ZNF626: variants seen among roughly 807,000 people sequenced by gnomAD.
ZNF626 encodes zinc finger protein 626.
ZNF626 carries 4 observed loss-of-function variants against 11.7 expected under a neutral mutation model. The ratio of observed to expected loss-of-function variants is 0.34; its 90% CI spans 0.17 to 0.78. The LOEUF (loss-of-function observed/expected upper bound fraction) is 0.78, where lower values mean the gene tolerates loss of function less well. ZNF626 is among the 30% of genes least tolerant of loss of function. The pLI, the probability that ZNF626 is intolerant of heterozygous loss-of-function variation, is 0.57. For missense variants in ZNF626, 588 were observed against 587.1 expected (o/e 1.00, Z -0.01); for synonymous variants, 179 against 198.6 (o/e 0.90, Z 0.83).
intron 3 of ZNF626, among the ~76,000 whole-genome samples, chr19:20,626,809 G>A (rs568381160): frequency 6.6e-6 from 1 of 150,894 alleles, no homozygotes; most frequent in Non-Finnish European, 1.5e-5. Context: ...GAGGTCAGGA[G>A]TCCAAAATTA....
chr19:20,638,500 T>A (rs8111302), intron 3 of ZNF626, among the ~76,000 whole-genome samples: 21,830 of 151,252 alleles, frequency 0.14, 1,714 homozygotes, highest in Middle Eastern at 0.2. Context: ...GTGGTTTTTT[T>A]AAAAAGCAAT....
intron 1 of ZNF626, among the ~76,000 whole-genome samples, chr19:20,652,039 C>T (rs1970151417): frequency 1.3e-5 from 2 of 152,202 alleles, no homozygotes; most frequent in Admixed American, 6.5e-5. Context: ...CAGAACCACA[C>T]TCCCAAATGG....
intron 1 of ZNF626, among the ~76,000 whole-genome samples, chr19:20,647,542 A>T (rs1352126128): frequency 1.5e-5 from 2 of 135,610 alleles, no homozygotes; most frequent in Non-Finnish European, 3.0e-5. Flanking sequence ...GCTGGAGTGC[A>T]GTGGCGCAGT....
At chr19:20,643,581 A>G (rs1555771657) in intron 3 of ZNF626, among the ~76,000 whole-genome samples, 1 of 152,208 alleles carries the variant, frequency 6.6e-6, no homozygotes, top group Non-Finnish European at 1.5e-5. Context: ...TAGAATATAG[A>G]AAGAAAAAAG....
chr19:20,626,755 C>G (rs533016661), intron 3 of ZNF626, among the ~76,000 whole-genome samples: 1 of 152,224 alleles, frequency 6.6e-6, no homozygotes, highest in Admixed American at 6.5e-5. Flanking sequence ...TGGCTCATGC[C>G]TGTAATCGCA....
intron 1 of ZNF626, among the ~76,000 whole-genome samples, chr19:20,655,333 A>T (rs1373966679): frequency 6.6e-6 from 1 of 152,170 alleles, no homozygotes; most frequent in Non-Finnish European, 1.5e-5. Context: ...AAAGAAACTG[A>T]GTATCATTTA....
At chr19:20,632,210 C>A (rs1264455718) in intron 3 of ZNF626, among the ~76,000 whole-genome samples, 5 of 152,178 alleles carry the variant, frequency 3.3e-5, no homozygotes, top group Non-Finnish European at 1.5e-5. Flanking sequence ...TTCTCTCTGG[C>A]TGCTCTTAAC....
chr19:20,627,437 T>C lies in ZNF626; in HGVS notation c.227-1787A>G, dbSNP rs147337992. 5.3e-5 allele frequency among the ~76,000 whole-genome samples: 8 copies of C among 151,902 alleles called. No homozygotes were observed. The East Asian group carries it at 1.4e-3, about 26-fold the overall frequency. On this transcript the variant is annotated intron_variant, in intron 3 of 3. Coordinates refer to ENST00000601440, the MANE Select transcript of ZNF626 (RefSeq NM_001076675.3). The stretch of plus-strand genomic sequence containing the variant: ...CAAAGTACCACTAAGAAAATATTTG[T>C]ATGGATACACAAAAGAAAATTTAAA...
At chr19:20,640,100 T>C (rs1970006616) in intron 3 of ZNF626, among the ~76,000 whole-genome samples, 1 of 151,954 alleles carries the variant, frequency 6.6e-6, no homozygotes. Context: ...CAAAAAATGA[T>C]GTTGAAAAGT....
chr19:20,649,154 T>C (rs1970118716), intron 1 of ZNF626, among the ~76,000 whole-genome samples: 1 of 152,144 alleles, frequency 6.6e-6, no homozygotes, highest in Non-Finnish European at 1.5e-5. Context: ...CCTTCTCAGA[T>C]GAGATTCTCT....
intron 1 of ZNF626, among the ~76,000 whole-genome samples, chr19:20,655,630 G>A (rs978406168): frequency 1.3e-5 from 2 of 152,016 alleles, no homozygotes; most frequent in South Asian, 2.1e-4. Context: ...CTTAAGAAAA[G>A]AGGGAATAGC....
chr19:20,655,192 A>T lies in ZNF626; in HGVS notation c.3+6252T>A, dbSNP rs1236252720. The stretch of plus-strand genomic sequence containing the variant: ...GATAACTGCTAATTGCTCTGAAATA[A>T]TAAACAGAAAGCAAGGTACAACTAC... On this transcript the variant is annotated intron_variant, in intron 1 of 3. Coordinates refer to ENST00000601440, the MANE Select transcript of ZNF626 (RefSeq NM_001076675.3). 2.0e-5 allele frequency among the ~76,000 whole-genome samples: 3 copies of T among 152,260 alleles called. No individual in the cohort carries two copies. In the East Asian group the frequency reaches 5.8e-4, roughly 29 times the overall value.
intron 3 of ZNF626, among the ~76,000 whole-genome samples, chr19:20,637,039 G>C (rs10412797): frequency 0.43 from 51,611 of 120,826 alleles, 12,923 homozygotes; most frequent in African/African-American, 0.63. Flanking sequence ...AAAAAAAAAA[G>C]GCCCAGTGCA....
intron 1 of ZNF626, among the ~76,000 whole-genome samples, chr19:20,659,661 C>T (rs1970243025): frequency 6.6e-6 from 1 of 152,040 alleles, no homozygotes; most frequent in Non-Finnish European, 1.5e-5. Context: ...TTTTTGCAAC[C>T]CATGAAGATT....
chr19:20,647,713 C>T (rs1236809598), intron 1 of ZNF626, among the ~76,000 whole-genome samples: 1 of 151,898 alleles, frequency 6.6e-6, no homozygotes, highest in East Asian at 1.9e-4. Flanking sequence ...GTCTCGATCT[C>T]CTGACCTCGT....
At chr19:20,631,240 T>A (rs1209424083) in intron 3 of ZNF626, among the ~76,000 whole-genome samples, 36 of 151,946 alleles carry the variant, frequency 2.4e-4, no homozygotes, top group African/African-American at 8.7e-4. Flanking sequence ...CTGAAAATAA[T>A]GTATATTCTG....
At chr19:20,626,058 C>T (rs782219943) in intron 3 of ZNF626, among the ~76,000 whole-genome samples, 2 of 151,904 alleles carry the variant, frequency 1.3e-5, no homozygotes, top group Admixed American at 6.6e-5. Context: ...GTCAGGAGTT[C>T]AAGACCATCT....
chr19:20,651,705 G>C (rs1970147982), intron 1 of ZNF626, among the ~76,000 whole-genome samples: 1 of 152,162 alleles, frequency 6.6e-6, no homozygotes, highest in Admixed American at 6.5e-5. Context: ...CCTGGGGCTG[G>C]TGGCCCAATG....
rs1476995235 is a variant in ZNF626, at chr19:20,623,003, T to C, written c.*1287A>G. 2 of 152,160 alleles carry C rather than the reference T, an allele frequency of 1.3e-5. No homozygotes were observed. The highest frequency in any genetic ancestry group is 1.5e-5 in the Non-Finnish European group (1 of 68,026). The allele number at this position is 152,160 out of a possible 1,614,324, so 9.4% of individuals were successfully genotyped here. ...AAAGCTTGAGCAACTGCTTCAGGAT[T>C]TTCCTCTAGTACAAAATGTGTGTAA... On this transcript the variant is annotated 3_prime_UTR_variant, in exon 4 of 4. Transcript: ENST00000601440.
Sources: allele counts gnomAD v4.1 joint callset (sites outside exome capture counted in the v4.1 genomes callset), GRCh38; gene constraint gnomAD v4.1.1; transcripts MANE v1.5; gene names NCBI Gene and HGNC (gene_info 2026-07-23, HGNC 2026-07-21).